Variants in SLC25A21 observed in about 807,000 individuals in gnomAD.
SLC25A21 encodes mitochondrial 2-oxodicarboxylate carrier.
A neutral mutation model predicts 43.8 loss-of-function variants in SLC25A21; 47 were observed. That is an observed-to-expected ratio of 1.07 (90% CI 0.85 to 1.37). SLC25A21 has a LOEUF of 1.37. SLC25A21 is among the 40% of genes most tolerant of loss of function. The pLI is 0.00. For synonymous variants in SLC25A21, 131 were observed against 121.3 expected (o/e 1.08, Z -0.52); for missense variants, 352 against 350.2 (o/e 1.00, Z -0.04).
At chr14:36,714,651 T>G (rs1265688792) in intron 6 of SLC25A21, among the ~76,000 whole-genome samples, 5 of 152,244 alleles carry the variant, frequency 3.3e-5, no homozygotes, top group African/African-American at 1.2e-4. Context: ...GTATACGTGA[T>G]CAGGTAGCTG....
At chr14:37,098,660 G>C (rs1193957097) in intron 1 of SLC25A21, 1 of 152,046 alleles carries the variant, frequency 6.6e-6, no homozygotes, top group Non-Finnish European at 1.5e-5. Context: ...TTCCTGGGCT[G>C]ACGACTATTA....
chr14:36,737,736 T>C (rs1347056830), intron 3 of SLC25A21, among the ~76,000 whole-genome samples: 3 of 152,108 alleles, frequency 2.0e-5, no homozygotes. Flanking sequence ...AACTGTAACA[T>C]ATAAAACTAG....
At chr14:36,728,321 T>C (rs1315664051) in intron 5 of SLC25A21, among the ~76,000 whole-genome samples, 1 of 152,330 alleles carries the variant, frequency 6.6e-6, no homozygotes, top group Non-Finnish European at 1.5e-5. Flanking sequence ...AGACCTACAG[T>C]TTCTCACATG....
At chr14:37,113,329 T>A (rs1850527791) in intron 1 of SLC25A21, among the ~76,000 whole-genome samples, 1 of 152,180 alleles carries the variant, frequency 6.6e-6, no homozygotes, top group Admixed American at 6.5e-5. Flanking sequence ...AAATAGGAAA[T>A]ATTTCTAGCC....
At chr14:36,709,364 T>A (rs2144315) in intron 7 of SLC25A21, among the ~76,000 whole-genome samples, 2 of 152,032 alleles carry the variant, frequency 1.3e-5, no homozygotes, top group Non-Finnish European at 2.9e-5. Flanking sequence ...TTTGCATTCT[T>A]TTCTGGGCCT....
chr14:36,871,817 TTA>T (rs142918503), intron 2 of SLC25A21, among the ~76,000 whole-genome samples: 3,942 of 152,244 alleles, frequency 0.026, 136 homozygotes, highest in East Asian at 0.12. Flanking sequence ...GGATTTTATT[TTA>T]TTTTTTTACA....
intron 1 of SLC25A21, among the ~76,000 whole-genome samples, chr14:36,939,557 C>T (rs1439099542): frequency 6.6e-6 from 1 of 152,022 alleles, no homozygotes; most frequent in African/African-American, 2.4e-5. Context: ...TCTCCCAGAA[C>T]CCAACCTCTC....
rs757842810 is a variant in SLC25A21, at chr14:37,160,950, A to AGAG, written c.70+11328_70+11330dup. Among the ~76,000 whole-genome samples, 643 of 116,070 alleles carry AGAG rather than the reference A, an allele frequency of 5.5e-3. 15 individuals are homozygous for AGAG. In the East Asian group the frequency reaches 0.072, roughly 13 times the overall value. 76.1% of individuals were successfully genotyped at this position (116,070 alleles called of 152,430 possible). A position where few individuals can be genotyped will look rare whatever the true frequency, so the allele number is the denominator to read the frequency against. On this transcript the variant is annotated intron_variant, in intron 1 of 9. Transcript: ENST00000331299. Reference sequence around the variant, plus strand: ...ATCTCAAAGAAAGAAAGAAGGAGGAAGAGGAGGAGGAGGAGGAGAAAGAGG... The same window carrying AGAG: ...ATCTCAAAGAAAGAAAGAAGGAGGAAGAGGAGGAGGAGGAGGAGGAGAAAGAGG...
At chr14:36,948,623 G>A (rs1010369842) in intron 1 of SLC25A21, among the ~76,000 whole-genome samples, 3 of 152,036 alleles carry the variant, frequency 2.0e-5, no homozygotes, top group East Asian at 1.9e-4. Context: ...GAAAAGTTTC[G>A]CTTTCTAATT....
At chr14:36,929,642 C>T (rs1025069921) in intron 1 of SLC25A21, among the ~76,000 whole-genome samples, 1 of 151,952 alleles carries the variant, frequency 6.6e-6, no homozygotes, top group African/African-American at 2.4e-5. Flanking sequence ...AATAAATATT[C>T]CCAAGAGTTG....
At chr14:37,130,085 T>C (rs1164240908) in intron 1 of SLC25A21, among the ~76,000 whole-genome samples, 1 of 14,034 alleles carries the variant, frequency 7.1e-5, no homozygotes, top group African/African-American at 2.7e-4. Flanking sequence ...ACCCTGTCTC[T>C]ACAAAAAAAA....
chr14:36,740,833 C>T (rs1333934024), intron 3 of SLC25A21, among the ~76,000 whole-genome samples: 1 of 152,062 alleles, frequency 6.6e-6, no homozygotes, highest in African/African-American at 2.4e-5. Flanking sequence ...TAGTAGGGTC[C>T]AGTTTTAGGT....
chr14:37,152,663 T>C (rs77879401), intron 1 of SLC25A21, among the ~76,000 whole-genome samples: 1,874 of 152,232 alleles, frequency 0.012, 38 homozygotes, highest in African/African-American at 0.043. Flanking sequence ...AAAGAGTGGA[T>C]GGGTTTGTTT....
At chr14:36,731,544 G>A (rs139080664) in intron 4 of SLC25A21, among the ~76,000 whole-genome samples, 1 of 152,216 alleles carries the variant, frequency 6.6e-6, no homozygotes, top group African/African-American at 2.4e-5. Flanking sequence ...TGTAACTTAG[G>A]TTACCAAAGG....
At chr14:36,869,132 A>G (rs1328010093) in intron 2 of SLC25A21, among the ~76,000 whole-genome samples, 1 of 152,172 alleles carries the variant, frequency 6.6e-6, no homozygotes, top group African/African-American at 2.4e-5. Flanking sequence ...AGGCAGGGAC[A>G]CCATTCAACT....
At chr14:36,778,573 G>A (rs970352642) in intron 3 of SLC25A21, among the ~76,000 whole-genome samples, 1 of 152,218 alleles carries the variant, frequency 6.6e-6, no homozygotes, top group Admixed American at 6.5e-5. Flanking sequence ...GGGTGGGGGT[G>A]AGGAGATGGC....
At position 36,680,413 on chromosome 14, in the gene SLC25A21, T is replaced by C. The variant is rs1273904634; in HGVS notation, c.*245A>G. 1.2e-5 allele frequency: 14 copies of C among 1,129,164 alleles called. No homozygotes were observed. Among genetic ancestry groups the C allele is most frequent in the African/African-American group, 6.5e-5 (4 of 61,904 alleles). 69.9% of individuals were successfully genotyped at this position (1,129,164 alleles called of 1,614,324 possible). ...AAATATATGATTTCTATGCTATTTT[T>C]CTATATTCACTTTAAATACCTCATT... On this transcript the variant is annotated 3_prime_UTR_variant, in exon 10 of 10. Transcript: ENST00000331299.
Position 37,105,250 on chromosome 14 carries a change from T to G in SLC25A21, c.70+67031A>C, listed in dbSNP as rs554976958. 2.6e-5 allele frequency among the ~76,000 whole-genome samples: 4 copies of G among 152,298 alleles called. No individual in the cohort carries two copies. The East Asian group carries it at 5.8e-4, about 22-fold the overall frequency. On this transcript the variant is annotated intron_variant, in intron 1 of 9. Transcript: ENST00000331299. The stretch of plus-strand genomic sequence containing the variant: ...CTGATGCTGGACAAATAATTAAATG[T>G]GAAGTCAAACTCTGAAGCATAAGAA...
chr14:36,778,753 T>C (rs1189922943), intron 3 of SLC25A21, among the ~76,000 whole-genome samples: 1 of 152,232 alleles, frequency 6.6e-6, no homozygotes, highest in African/African-American at 2.4e-5. Context: ...GATACAGGTA[T>C]ATATTGTGAA....
Sources: gnomAD v4.1 joint callset for allele counts (sites outside exome capture counted in the v4.1 genomes callset) on GRCh38, gnomAD v4.1.1 for gene constraint, MANE v1.5 for transcripts, NCBI Gene and HGNC (gene_info 2026-07-23, HGNC 2026-07-21) for gene names.